RSPH3: variants seen among roughly 807,000 people sequenced by gnomAD.
RSPH3 encodes the protein radial spoke head protein 3 homolog.
A neutral mutation model predicts 43.8 loss-of-function variants in RSPH3; 21 were observed. The ratio of observed to expected loss-of-function variants is 0.48; its 90% CI spans 0.34 to 0.69. The LOEUF (loss-of-function observed/expected upper bound fraction) is 0.69, where lower values mean the gene tolerates loss of function less well. Ranked by LOEUF, RSPH3 falls within the 30% of genes least tolerant of loss-of-function variation. RSPH3 has a pLI of 0.01. For missense variants in RSPH3, 487 were observed against 516.0 expected, an observed-to-expected ratio of 0.94 and a Z score of 0.54; for synonymous variants, 173 against 179.8, an observed-to-expected ratio of 0.96 and a Z score of 0.30.
At chr6:158,996,007 A>C (rs1377419582) in intron 1 of RSPH3, among the ~76,000 whole-genome samples, 3 of 152,290 alleles carry the variant, frequency 2.0e-5, no homozygotes, top group African/African-American at 7.2e-5. Flanking sequence ...TAATGTAATC[A>C]CATCTCAAAG....
intron 6 of RSPH3, among the ~76,000 whole-genome samples, chr6:158,979,410 A>G (rs551899726): frequency 2.0e-5 from 3 of 152,276 alleles, no homozygotes; most frequent in African/African-American, 7.2e-5. Flanking sequence ...TAACAGTTAG[A>G]GTCCAAGCTA....
the RSPH3 span, among the ~76,000 whole-genome samples, chr6:158,965,738 G>C: frequency 2.0e-5 from 3 of 152,014 alleles, no homozygotes; most frequent in South Asian, 6.2e-4. Context: ...TTTCCAATCC[G>C]GATGACTTTT....
rs12202959 is a variant in RSPH3, at chr6:158,976,893, C to T, written c.*645G>A. Reference sequence around the variant, plus strand: ...GTGCAATGGTGCAAACTTGGCTCACCGCAACCTCCGCCCCAGGTTCAAGTG... The same window carrying T: ...GTGCAATGGTGCAAACTTGGCTCACTGCAACCTCCGCCCCAGGTTCAAGTG... On this transcript the variant is annotated 3_prime_UTR_variant, in exon 8 of 8. Transcript: ENST00000367069. 2,710 of 152,378 alleles carry T rather than the reference C, an allele frequency of 0.018. 34 individuals carry two copies. Among genetic ancestry groups the T allele is most frequent in the Non-Finnish European group, 0.024 (1,614 of 68,218 alleles). 9.4% of individuals were successfully genotyped at this position (152,378 alleles called of 1,614,324 possible).
At chr6:158,988,244 AG>A (rs1778297214) in intron 2 of RSPH3, 1 of 152,172 alleles carries the variant, frequency 6.6e-6, no homozygotes, top group Non-Finnish European at 1.5e-5. Flanking sequence ...TCCACTGAGA[AG>A]TCTGCTGCCA....
Position 159,000,152 on chromosome 6 carries a change from A to C in RSPH3, c.-602T>G. The C allele has an allele frequency of 1.6e-6, 1 of 629,784 alleles. No homozygotes were observed. The highest frequency in any genetic ancestry group is 3.1e-5 in the East Asian group (1 of 31,748). The allele number at this position is 629,784 out of a possible 1,614,324, so 39.0% of individuals were successfully genotyped here. A position where few individuals can be genotyped will look rare whatever the true frequency, so the allele number is the denominator to read the frequency against. ...GCTCCCAGGCTGCCCCCGCGATAAC[A>C]CGCCCCTGGCAGCCAGGCTCCCAGC... is the stretch of plus-strand genomic sequence containing the variant. On this transcript the variant is annotated 5_prime_UTR_variant, in exon 1 of 8. Transcript: ENST00000367069.
downstream of RSPH3, among the ~76,000 whole-genome samples, chr6:158,970,511 C>T (rs1777683561): frequency 2.0e-5 from 3 of 151,948 alleles, no homozygotes; most frequent in Admixed American, 2.0e-4. Flanking sequence ...ACACATGTAC[C>T]CTATATGTAG....
chr6:158,991,917 G>T (rs902569684), intron 2 of RSPH3, among the ~76,000 whole-genome samples: 2 of 152,072 alleles, frequency 1.3e-5, no homozygotes, highest in African/African-American at 4.8e-5. Context: ...CACAGAAAAT[G>T]TACTTTGAAT....
intron 6 of RSPH3, among the ~76,000 whole-genome samples, chr6:158,978,791 G>A (rs1281783698): frequency 2.6e-5 from 4 of 151,994 alleles, no homozygotes; most frequent in African/African-American, 7.3e-5. Context: ...CACCCGCCTC[G>A]GCCTCCCAAA....
chr6:158,979,934 G>A (rs1777976578), intron 6 of RSPH3, among the ~76,000 whole-genome samples: 1 of 152,162 alleles, frequency 6.6e-6, no homozygotes, highest in Admixed American at 6.5e-5. Flanking sequence ...GCAGAGATCA[G>A]GGATCCTTCT....
rs1335866476 is a variant in RSPH3, at chr6:158,986,361, C to A, written c.265G>T (p.Ala89Ser). The A allele has an allele frequency of 8.7e-6, 14 of 1,614,138 alleles. No homozygotes were observed. The highest frequency in any genetic ancestry group is 1.2e-5 in the Non-Finnish European group (14 of 1,179,970). Residue 89 changes from alanine (A) to serine (S), a missense_variant, in exon 3 of 8, where the codon GCC (alanine) becomes TCC (serine). By Grantham distance (99) the Ala-to-Ser change is moderately conservative. Coordinates refer to ENST00000367069, the MANE Select transcript of RSPH3 (RefSeq NM_031924.8). ...RQREARKRAL[A>S]RKQAQEQLRP... Reference sequence around the variant, plus strand: ...AGCTGCTCTTGGGCTTGTTTTCTGGCAAGAGCCCTCTTCCTAGCCTCCCGT... The same window carrying A: ...AGCTGCTCTTGGGCTTGTTTTCTGGAAAGAGCCCTCTTCCTAGCCTCCCGT...
chr6:158,970,365 T>C (rs1342076200), downstream of RSPH3, among the ~76,000 whole-genome samples: 2 of 152,204 alleles, frequency 1.3e-5, no homozygotes, highest in Non-Finnish European at 2.9e-5. Flanking sequence ...CTATAAGTGT[T>C]GGGCATGCCT....
chr6:158,965,771 G>A, the RSPH3 span, among the ~76,000 whole-genome samples: 1 of 152,020 alleles, frequency 6.6e-6, no homozygotes, highest in Non-Finnish European at 1.5e-5. Context: ...TAAATGCCAT[G>A]ACTAGAACTT....
chr6:158,999,238 T>A (rs1273862995), intron 1 of RSPH3, among the ~76,000 whole-genome samples, 197 bp downstream of exon 1: 2,696 of 152,356 alleles, frequency 0.018, 34 homozygotes, highest in Middle Eastern at 0.024. Context: ...AAAAGTTAAC[T>A]GATGCCCAAC....
chr6:158,998,650 G>GCAC (rs1000220490), intron 1 of RSPH3, among the ~76,000 whole-genome samples: 20 of 149,286 alleles, frequency 1.3e-4, no homozygotes, highest in African/African-American at 4.6e-4. Context: ...GAGGCCAAGA[G>GCAC]TTTGAGACCA....
At position 158,995,358 on chromosome 6, in the gene RSPH3, C is replaced by T. The variant is rs575026504; in HGVS notation, c.117-1432G>A. 8.5e-5 allele frequency among the ~76,000 whole-genome samples: 13 copies of T among 152,232 alleles called. No individual in the cohort carries two copies. In the East Asian group the frequency reaches 1.9e-3, roughly 23 times the overall value. On this transcript the variant is annotated intron_variant, in intron 1 of 7. Transcript: ENST00000367069. ...TAACTACATAGTTGGCTTAAAATAA[C>T]GCATTTATTCTCAGAATTCTGCAAT...
chr6:158,986,127 T>C (rs917509542), intron 3 of RSPH3, among the ~76,000 whole-genome samples, 153 bp downstream of exon 3: 15 of 152,204 alleles, frequency 9.9e-5, no homozygotes, highest in Non-Finnish European at 2.1e-4. Context: ...AGTCTATGTA[T>C]TTCTTTAATA....
chr6:158,999,033 G>A (rs1300512952), intron 1 of RSPH3, among the ~76,000 whole-genome samples: 1 of 152,220 alleles, frequency 6.6e-6, no homozygotes, highest in Non-Finnish European at 1.5e-5. Flanking sequence ...TTGCACCGCG[G>A]TCTCCTCATC....
At chr6:158,970,781 G>A (rs1434041068), downstream of RSPH3, among the ~76,000 whole-genome samples, 1 of 152,074 alleles carries the variant, frequency 6.6e-6, no homozygotes, top group Non-Finnish European at 1.5e-5. Context: ...TTGAACTCCT[G>A]ACCTCGTGAT....
intron 2 of RSPH3, 44 bp downstream of exon 2, chr6:158,993,795 G>T: frequency 9.5e-7 from 1 of 1,048,598 alleles, no homozygotes; most frequent in Non-Finnish European, 1.5e-6. Context: ...CTTCCCCATA[G>T]ATAATGTGAG....
Sources: gnomAD v4.1 joint callset for allele counts (sites outside exome capture counted in the v4.1 genomes callset) on GRCh38, gnomAD v4.1.1 for gene constraint, MANE v1.5 for transcripts, NCBI Gene and HGNC (gene_info 2026-07-23, HGNC 2026-07-21) for gene names.